The following RIN2 variants were observed in gnomAD, a reference collection of about 807,000 sequenced individuals.
RIN2 encodes Ras and Rab interactor 2.
In RIN2, 36 loss-of-function variants were observed where a neutral mutation model predicts 78.0. The observed-to-expected ratio is 0.46, with a 90% CI of 0.35 to 0.61. The LOEUF (loss-of-function observed/expected upper bound fraction) is 0.61. Ranked by LOEUF, RIN2 falls within the 20% of genes least tolerant of loss-of-function variation. The pLI, the probability that RIN2 is intolerant of heterozygous loss-of-function variation, is 0.00. For missense variants in RIN2, 1,087 were observed against 1,159.7 expected (o/e 0.94, Z 0.91); for synonymous variants, 466 against 466.8 (o/e 1.00, Z 0.02).
chr20:19,818,711 G>A (rs2035840405), intron 2 of RIN2, among the ~76,000 whole-genome samples: 2 of 141,996 alleles, frequency 1.4e-5, no homozygotes, highest in East Asian at 2.1e-4. Flanking sequence ...CAGCCTGGGC[G>A]ACAGAGCGAG....
intron 3 of RIN2, among the ~76,000 whole-genome samples, chr20:19,900,206 G>A (rs1013308444): frequency 3.3e-5 from 5 of 152,190 alleles, no homozygotes; most frequent in African/African-American, 1.2e-4. Flanking sequence ...TATTCTGGCT[G>A]GGCATCATGG....
rs907448992 is a variant in RIN2, at chr20:19,862,817, C to T, written c.-36-26749C>T. 7.2e-5 allele frequency among the ~76,000 whole-genome samples: 11 copies of T among 152,222 alleles called. No homozygotes were observed. The South Asian group carries it at 2.3e-3, about 32-fold the overall frequency. ...TTGGTGTTCCCAGTGCTTGGGAGCA[C>T]AGTCCCTAGAACTGAATCCTTGCCA... On this transcript the variant is annotated intron_variant, in intron 2 of 12. Transcript: ENST00000255006.
intron 1 of RIN2, among the ~76,000 whole-genome samples, chr20:19,777,999 A>G (rs984815793): frequency 6.6e-6 from 1 of 152,266 alleles, no homozygotes; most frequent in South Asian, 2.1e-4. Context: ...ATGCTACAGA[A>G]GCTGTATTTT....
chr20:19,860,362 C>A (rs1370474381), intron 2 of RIN2, among the ~76,000 whole-genome samples: 1 of 152,072 alleles, frequency 6.6e-6, no homozygotes, highest in African/African-American at 2.4e-5. Context: ...CACTCTGTTG[C>A]TCAGGCTGGA....
chr20:19,990,428 C>T (rs2042763552), intron 10 of RIN2, 117 bp downstream of exon 10: 8 of 957,912 alleles, frequency 8.4e-6, no homozygotes, highest in African/African-American at 1.7e-5. Context: ...CTTGATTTCA[C>T]CAAGTGGCTT....
At chr20:19,876,741 C>A (rs1403400282) in intron 2 of RIN2, among the ~76,000 whole-genome samples, 2 of 151,992 alleles carry the variant, frequency 1.3e-5, no homozygotes, top group Non-Finnish European at 1.5e-5. Context: ...CCTGTCTCTA[C>A]TAAAAATACA....
chr20:19,890,950 A>G (rs1351279328), intron 3 of RIN2, among the ~76,000 whole-genome samples: 1 of 152,204 alleles, frequency 6.6e-6, no homozygotes, highest in African/African-American at 2.4e-5. Flanking sequence ...AGTATATTGA[A>G]GTGGCTCTTG....
At position 20,000,577 on chromosome 20, in the gene RIN2, C is replaced by T. The variant is rs543618367; in HGVS notation, c.2365-36C>T. 195 of 1,530,784 alleles carry T rather than the reference C, an allele frequency of 1.3e-4. 3 individuals carry two copies. In the South Asian group the frequency reaches 1.8e-3, roughly 14 times the overall value. The allele number at this position is 1,530,784 out of a possible 1,614,324, so 94.8% of individuals were successfully genotyped here. On this transcript the variant is annotated intron_variant, in intron 12 of 12. Transcript: ENST00000255006. ...CATCATGCTCACTATCTAGTTTTCT[C>T]TTCTGACTGTCTCAACATTCCTCTT...
intron 9 of RIN2, among the ~76,000 whole-genome samples, chr20:19,982,301 T>G (rs1407767987): frequency 1.3e-5 from 2 of 152,174 alleles, no homozygotes; most frequent in Non-Finnish European, 2.9e-5. Context: ...TCATCTTCTT[T>G]GACGGTCAGA....
intron 4 of RIN2, among the ~76,000 whole-genome samples, chr20:19,955,154 T>C (rs1600932519): frequency 1.3e-5 from 2 of 152,160 alleles, no homozygotes; most frequent in South Asian, 4.1e-4. Flanking sequence ...ATCTACTTTG[T>C]GTCTCTGTAG....
At chr20:19,797,992 C>T (rs1194586954) in intron 1 of RIN2, among the ~76,000 whole-genome samples, 1 of 151,478 alleles carries the variant, frequency 6.6e-6, no homozygotes, top group South Asian at 2.1e-4. Flanking sequence ...GCTGGGACTA[C>T]AGGCACCTGC....
chr20:19,929,464 C>T (rs906346624), intron 3 of RIN2, among the ~76,000 whole-genome samples: 5 of 152,100 alleles, frequency 3.3e-5, no homozygotes, highest in African/African-American at 4.8e-5. Flanking sequence ...CGGGTTCAAG[C>T]GATTCTCCTC....
At chr20:19,763,815 G>A (rs1193787115) in intron 1 of RIN2, among the ~76,000 whole-genome samples, 1 of 152,112 alleles carries the variant, frequency 6.6e-6, no homozygotes, top group East Asian at 1.9e-4. Flanking sequence ...AAGGTATGCT[G>A]GTTTGTTTTA....
intron 1 of RIN2, among the ~76,000 whole-genome samples, chr20:19,760,368 A>T (rs2033587843): frequency 6.6e-6 from 1 of 152,222 alleles, no homozygotes; most frequent in Non-Finnish European, 1.5e-5. Context: ...CAGACAGTTC[A>T]TCAGAGCAGA....
chr20:19,905,242 A>AT (rs1211343444), intron 3 of RIN2, among the ~76,000 whole-genome samples: 1 of 152,216 alleles, frequency 6.6e-6, no homozygotes, highest in Non-Finnish European at 1.5e-5. Flanking sequence ...GGAAGGTAAG[A>AT]CAGGGAGGAG....
In RIN2 at chr20:19,872,797, T is replaced by C. The variant is rs576631906; in HGVS notation, c.-36-16769T>C. On this transcript the variant is annotated intron_variant, in intron 2 of 12. Transcript: ENST00000255006. The stretch of plus-strand genomic sequence containing the variant: ...ATACTGGACATTGGAAACTACAAAA[T>C]GTGGGACGCTGGGTAGGGAGTGAGG... Among the ~76,000 whole-genome samples the C allele has an allele frequency of 3.9e-5, 6 of 152,294 alleles. No individual in the cohort carries two copies. In the East Asian group the frequency reaches 1.2e-3, roughly 29 times the overall value.
intron 9 of RIN2, among the ~76,000 whole-genome samples, chr20:19,983,547 A>AC (rs2146355793): frequency 6.6e-6 from 1 of 152,092 alleles, no homozygotes; most frequent in East Asian, 1.9e-4. Flanking sequence ...CCTACAAAAA[A>AC]AAGGCCCATA....
At chr20:19,858,524 G>A (rs2037235002) in intron 2 of RIN2, among the ~76,000 whole-genome samples, 1 of 152,264 alleles carries the variant, frequency 6.6e-6, no homozygotes, top group South Asian at 2.1e-4. Flanking sequence ...CCTCTTCCGT[G>A]CTCACAGCCC....
chr20:19,889,505 G>A, intron 2 of RIN2, 61 bp from the exon 3 acceptor site: 2 of 1,458,210 alleles, frequency 1.4e-6, no homozygotes, highest in East Asian at 5.0e-5. Flanking sequence ...TGAGTGTTCT[G>A]TGGCTTAGAA....
Sources: gnomAD v4.1 joint callset for allele counts (sites outside exome capture counted in the v4.1 genomes callset) on GRCh38, gnomAD v4.1.1 for gene constraint, MANE v1.5 for transcripts, NCBI Gene and HGNC (gene_info 2026-07-23, HGNC 2026-07-21) for gene names.